BTBD9: variants seen among roughly 807,000 people sequenced by gnomAD.
The protein encoded by BTBD9 is BTB domain containing 9, also known as BTB/POZ domain-containing protein 9.
Under a neutral mutation model 64.3 loss-of-function variants are expected in BTBD9, and 49 were observed. The ratio of observed to expected loss-of-function variants is 0.76; its 90% confidence interval spans 0.61 to 0.97. BTBD9 has a LOEUF of 0.97. BTBD9 is among the 50% of genes least tolerant of loss of function. The probability of loss-of-function intolerance (pLI) is 0.00; values close to 1 mark genes in which losing one functional copy is unlikely to be tolerated. For synonymous variants in BTBD9, 260 were observed against 274.7 expected (o/e 0.95, Z 0.53); for missense variants, 598 against 762.1 (o/e 0.78, Z 2.53).
At chr6:38,274,061 CA>C (rs1330399384) in intron 8 of BTBD9, among the ~76,000 whole-genome samples, 1 of 152,208 alleles carries the variant, frequency 6.6e-6, no homozygotes, top group Non-Finnish European at 1.5e-5. Context: ...TAGGGGAAGG[CA>C]TGAAGAAATG....
chr6:38,378,787 T>G (rs1423977462), intron 6 of BTBD9, among the ~76,000 whole-genome samples: 1 of 147,656 alleles, frequency 6.8e-6, no homozygotes, highest in African/African-American at 2.5e-5. Flanking sequence ...GGCAGAAGAA[T>G]CACTTGAACC....
chr6:38,333,351 G>A (rs868163236), intron 7 of BTBD9, among the ~76,000 whole-genome samples: 8 of 152,164 alleles, frequency 5.3e-5, no homozygotes, highest in African/African-American at 1.4e-4. Context: ...CAAGTATTAC[G>A]AAGTGAAATA....
intron 6 of BTBD9, among the ~76,000 whole-genome samples, chr6:38,416,421 G>A (rs968201364): frequency 1.3e-5 from 2 of 149,354 alleles, no homozygotes; most frequent in Admixed American, 6.7e-5. Flanking sequence ...TGCAAGCTCC[G>A]TCTCCCGGGT....
chr6:38,439,754 A>T (rs1047754562), intron 6 of BTBD9, among the ~76,000 whole-genome samples: 3 of 152,092 alleles, frequency 2.0e-5, no homozygotes, highest in African/African-American at 4.8e-5. Context: ...TTTGGGCTTC[A>T]ATTTTAACAG....
At chr6:38,228,604 G>A (rs1030043701) in intron 9 of BTBD9, among the ~76,000 whole-genome samples, 4 of 150,194 alleles carry the variant, frequency 2.7e-5, no homozygotes, top group Admixed American at 6.6e-5. Flanking sequence ...GGCTGGGCAC[G>A]GTGGCTCATG....
At chr6:38,585,612 A>G (rs1333282592) in intron 4 of BTBD9, among the ~76,000 whole-genome samples, 2 of 152,128 alleles carry the variant, frequency 1.3e-5, no homozygotes, top group Non-Finnish European at 2.9e-5. Context: ...ACCCAGCTCA[A>G]AGAGCTTTGA....
chr6:38,380,598 G>A (rs1765885949), intron 6 of BTBD9, among the ~76,000 whole-genome samples: 1 of 152,224 alleles, frequency 6.6e-6, no homozygotes, highest in Non-Finnish European at 1.5e-5. Context: ...GGGAGGCTGA[G>A]GCAGGAGGTA....
chr6:38,588,699 C>T (rs1776656916), intron 4 of BTBD9, among the ~76,000 whole-genome samples: 1 of 152,182 alleles, frequency 6.6e-6, no homozygotes, highest in Non-Finnish European at 1.5e-5. Flanking sequence ...AGACCAAAAT[C>T]AAAGTTCTTT....
intron 6 of BTBD9, among the ~76,000 whole-genome samples, chr6:38,428,713 T>A (rs1329148881): frequency 6.6e-6 from 1 of 151,162 alleles, no homozygotes; most frequent in Non-Finnish European, 1.5e-5. Context: ...TTTTCGTTTT[T>A]TCTTTTTTTT....
chr6:38,421,487 A>G (rs1562161948), intron 6 of BTBD9, among the ~76,000 whole-genome samples: 1 of 152,258 alleles, frequency 6.6e-6, no homozygotes, highest in Admixed American at 6.5e-5. Flanking sequence ...TAATAATTTA[A>G]TAATTCTTAA....
chr6:38,210,829 G>T (rs577215318), intron 9 of BTBD9, among the ~76,000 whole-genome samples: 1 of 151,866 alleles, frequency 6.6e-6, no homozygotes, highest in Admixed American at 6.6e-5. Context: ...TCTATTATCC[G>T]CCTTCTCCAA....
chr6:38,224,386 G>C (rs1763318016), intron 9 of BTBD9, among the ~76,000 whole-genome samples: 1 of 152,210 alleles, frequency 6.6e-6, no homozygotes, highest in Non-Finnish European at 1.5e-5. Flanking sequence ...ATGGCCATGA[G>C]CGTATTTCTG....
chr6:38,488,795 ATTAT>A (rs1771569922), intron 6 of BTBD9, among the ~76,000 whole-genome samples: 1 of 152,148 alleles, frequency 6.6e-6, no homozygotes, highest in African/African-American at 2.4e-5. Flanking sequence ...CATTAAGAAA[ATTAT>A]TTTTCAATAA....
chr6:38,309,765 CT>C (rs551709377), intron 7 of BTBD9, among the ~76,000 whole-genome samples: 267 of 141,682 alleles, frequency 1.9e-3, no homozygotes, highest in Admixed American at 2.3e-3. Context: ...AGCAGCCTTT[CT>C]TTTTTTTTTT....
intron 6 of BTBD9, among the ~76,000 whole-genome samples, chr6:38,404,260 C>T (rs867486551): frequency 6.6e-6 from 1 of 152,128 alleles, no homozygotes; most frequent in Non-Finnish European, 1.5e-5. Flanking sequence ...CAAAATAAGC[C>T]GCTAATATAA....
chr6:38,486,432 A>T (rs1482756972), intron 6 of BTBD9, among the ~76,000 whole-genome samples: 1 of 152,188 alleles, frequency 6.6e-6, no homozygotes, highest in Non-Finnish European at 1.5e-5. Flanking sequence ...CTAGCTTTTG[A>T]TTTAAAGTGA....
At chr6:38,344,207 A>AAAAGAATT in intron 7 of BTBD9, among the ~76,000 whole-genome samples, 1 of 152,152 alleles carries the variant, frequency 6.6e-6, no homozygotes, top group South Asian at 2.1e-4. Context: ...TGGGGGAAAA[A>AAAAGAATT]AAAGCAGAAT....
At chr6:38,187,126 C>T (rs933305895) in intron 10 of BTBD9, among the ~76,000 whole-genome samples, 1 of 152,172 alleles carries the variant, frequency 6.6e-6, no homozygotes, top group South Asian at 2.1e-4. Flanking sequence ...CTGGGAGACC[C>T]CGCACATCAG....
At chr6:38,328,191 T>C (rs1763514086) in intron 7 of BTBD9, among the ~76,000 whole-genome samples, 1 of 152,216 alleles carries the variant, frequency 6.6e-6, no homozygotes, top group Admixed American at 6.5e-5. Context: ...CTAGAAAACG[T>C]GTGAACATTT....
Sources: allele counts gnomAD v4.1 joint callset (sites outside exome capture counted in the v4.1 genomes callset), GRCh38; gene constraint gnomAD v4.1.1; transcripts MANE v1.5; gene names NCBI Gene and HGNC (gene_info 2026-07-23, HGNC 2026-07-21).